Variants in ASAP1 observed in about 807,000 individuals in gnomAD.
The protein encoded by ASAP1 is arf-GAP with SH3 domain, ANK repeat and PH domain-containing protein 1.
Under a neutral mutation model 145.2 loss-of-function variants are expected in ASAP1, and 43 were observed. The ratio of observed to expected loss-of-function variants is 0.30; its 90% CI spans 0.23 to 0.38. The LOEUF (loss-of-function observed/expected upper bound fraction) is 0.38, where lower values mean the gene tolerates loss of function less well. ASAP1 is among the 10% of genes least tolerant of loss of function. ASAP1 has a pLI of 1.00. For missense variants in ASAP1, 1,018 were observed against 1,355.3 expected, an observed-to-expected ratio of 0.75 and a Z score of 3.91; for synonymous variants, 546 against 515.5, an observed-to-expected ratio of 1.06 and a Z score of -0.80.
chr8:130,404,062 A>T (rs1207119312), intron 1 of ASAP1, among the ~76,000 whole-genome samples: 1 of 152,192 alleles, frequency 6.6e-6, no homozygotes, highest in Non-Finnish European at 1.5e-5. Context: ...TTATGTTTCA[A>T]CGTGAAGACT....
At chr8:130,151,129 T>C (rs879825271) in intron 13 of ASAP1, among the ~76,000 whole-genome samples, 7 of 151,736 alleles carry the variant, frequency 4.6e-5, no homozygotes, top group Non-Finnish European at 7.4e-5. Flanking sequence ...TCCCAGCACT[T>C]TGGGAGGCCG....
intron 3 of ASAP1, among the ~76,000 whole-genome samples, chr8:130,285,351 T>C (rs917998031): frequency 7.9e-5 from 12 of 152,256 alleles, no homozygotes; most frequent in African/African-American, 2.9e-4. Flanking sequence ...AAAACTGACT[T>C]GGTGCCAGCC....
At chr8:130,373,792 A>G (rs1057269091) in intron 2 of ASAP1, among the ~76,000 whole-genome samples, 2 of 143,514 alleles carry the variant, frequency 1.4e-5, no homozygotes, top group African/African-American at 5.2e-5. Context: ...GGTTGCAGTG[A>G]GCCGAGATCG....
intron 27 of ASAP1, among the ~76,000 whole-genome samples, chr8:130,064,963 C>G (rs1031672195): frequency 6.6e-6 from 1 of 151,722 alleles, no homozygotes; most frequent in Admixed American, 6.6e-5. Flanking sequence ...CAGTCTCGGT[C>G]TCCCAGGCTC....
chr8:130,147,122 G>A (rs974202283), intron 13 of ASAP1, among the ~76,000 whole-genome samples: 1 of 142,544 alleles, frequency 7.0e-6, no homozygotes, highest in African/African-American at 2.6e-5. Context: ...AGCTACTCAG[G>A]AGGCTGTGAC....
intron 4 of ASAP1, among the ~76,000 whole-genome samples, chr8:130,230,690 ATTG>A (rs757505139): frequency 6.6e-6 from 1 of 152,160 alleles, no homozygotes; most frequent in Non-Finnish European, 1.5e-5. Context: ...GAGCTTAAGA[ATTG>A]TTATTATTTT....
At chr8:130,055,628 G>A (rs1056509744) in intron 29 of ASAP1, among the ~76,000 whole-genome samples, 1 of 152,088 alleles carries the variant, frequency 6.6e-6, no homozygotes, top group African/African-American at 2.4e-5. Flanking sequence ...TGATGGTGGC[G>A]AATGGCAATT....
intron 4 of ASAP1, among the ~76,000 whole-genome samples, chr8:130,217,301 C>CT (rs890772957): frequency 1.5e-4 from 23 of 150,704 alleles, no homozygotes; most frequent in Admixed American, 4.0e-4. Context: ...AAAGTCATAT[C>CT]TTTTTTTTTG....
At chr8:130,290,028 C>T (rs115892236) in intron 3 of ASAP1, among the ~76,000 whole-genome samples, 3,989 of 152,240 alleles carry the variant, frequency 0.026, 64 homozygotes, top group Middle Eastern at 0.044. Flanking sequence ...TTTATCTAAG[C>T]GCTCTTCCTG....
At chr8:130,227,232 A>T (rs1266256578) in intron 4 of ASAP1, among the ~76,000 whole-genome samples, 1 of 151,992 alleles carries the variant, frequency 6.6e-6, no homozygotes, top group South Asian at 2.1e-4. Flanking sequence ...CAGCCTGAGC[A>T]GCTACCCTCT....
At chr8:130,165,752 G>A (rs1212465655) in intron 11 of ASAP1, among the ~76,000 whole-genome samples, 1 of 152,174 alleles carries the variant, frequency 6.6e-6, no homozygotes, top group Non-Finnish European at 1.5e-5. Flanking sequence ...AATCCCCAGT[G>A]CATATACCTG....
At chr8:130,438,482 C>A (rs2138830599) in intron 1 of ASAP1, among the ~76,000 whole-genome samples, 1 of 152,290 alleles carries the variant, frequency 6.6e-6, no homozygotes, top group Middle Eastern at 3.4e-3. Flanking sequence ...ACAAAAGGAA[C>A]AACTGTAGGG....
At chr8:130,442,731 A>G (rs1413597225) in intron 1 of ASAP1, among the ~76,000 whole-genome samples, 1 of 152,152 alleles carries the variant, frequency 6.6e-6, no homozygotes, top group East Asian at 1.9e-4. Context: ...CCACATTATT[A>G]AAGGAAACTG....
At chr8:130,416,873 G>A (rs534175735) in intron 1 of ASAP1, among the ~76,000 whole-genome samples, 35 of 152,238 alleles carry the variant, frequency 2.3e-4, no homozygotes, top group Admixed American at 9.2e-4. Context: ...GGCAGCCTGA[G>A]CTGATGGGGC....
chr8:130,183,580 G>T (rs896617208), intron 7 of ASAP1, among the ~76,000 whole-genome samples: 1 of 152,016 alleles, frequency 6.6e-6, no homozygotes, highest in Non-Finnish European at 1.5e-5. Context: ...GACCTCAAGC[G>T]ATTTGCCCAC....
intron 7 of ASAP1, among the ~76,000 whole-genome samples, chr8:130,183,954 T>C (rs948512550): frequency 2.6e-5 from 4 of 152,190 alleles, no homozygotes; most frequent in African/African-American, 9.7e-5. Flanking sequence ...CACAATTTAA[T>C]ACTAATAGAT....
intron 2 of ASAP1, among the ~76,000 whole-genome samples, chr8:130,368,430 C>A (rs1827061314): frequency 6.6e-6 from 1 of 152,206 alleles, no homozygotes; most frequent in Admixed American, 6.5e-5. Flanking sequence ...CATTGTCTGT[C>A]TCTCCTACAT....
chr8:130,055,648 G>A (rs1212844040), intron 29 of ASAP1, among the ~76,000 whole-genome samples: 1 of 152,142 alleles, frequency 6.6e-6, no homozygotes, highest in Non-Finnish European at 1.5e-5. Context: ...TTTATTGTCT[G>A]CTGCATTGGC....
At chr8:130,277,975 G>A (rs1322335775) in intron 3 of ASAP1, among the ~76,000 whole-genome samples, 1 of 151,470 alleles carries the variant, frequency 6.6e-6, no homozygotes, top group Non-Finnish European at 1.5e-5. Context: ...TCTTAGCCAT[G>A]AAAGGAAGAA....
Sources: allele counts gnomAD v4.1 joint callset (sites outside exome capture counted in the v4.1 genomes callset), GRCh38; gene constraint gnomAD v4.1.1; transcripts MANE v1.5; gene names NCBI Gene and HGNC (gene_info 2026-07-23, HGNC 2026-07-21).